Variants in DPP6 observed in about 807,000 individuals in gnomAD.
The protein encoded by DPP6 is A-type potassium channel modulatory protein DPP6.
Under a neutral mutation model 122.6 loss-of-function variants are expected in DPP6, and 69 were observed. That is an observed-to-expected ratio of 0.56 (90% CI 0.46 to 0.69). DPP6 has a LOEUF of 0.69. Among genes scored for constraint, DPP6 ranks in the 30% least tolerant of loss-of-function variants. The probability of loss-of-function intolerance (pLI) is 0.00; values close to 1 mark genes in which losing one functional copy is unlikely to be tolerated. For synonymous variants in DPP6, 418 were observed against 433.1 expected (o/e 0.97, Z 0.43); for missense variants, 928 against 1,116.9 (o/e 0.83, Z 2.41).
intron 4 of DPP6, among the ~76,000 whole-genome samples, chr7:154,552,300 G>A (rs1357846997): frequency 1.3e-5 from 2 of 152,108 alleles, no homozygotes; most frequent in African/African-American, 4.8e-5. Context: ...CAAACCTCCA[G>A]GGAAAAATTC....
At chr7:153,962,714 T>A (rs1207573167) in intron 1 of DPP6, among the ~76,000 whole-genome samples, 3 of 152,204 alleles carry the variant, frequency 2.0e-5, no homozygotes, top group African/African-American at 7.2e-5. Context: ...GTGTTTCATG[T>A]CTTGGTTACT....
intron 5 of DPP6, among the ~76,000 whole-genome samples, chr7:154,623,821 T>C (rs937420261): frequency 6.6e-6 from 1 of 152,258 alleles, no homozygotes; most frequent in African/African-American, 2.4e-5. Context: ...ATTTAATTGA[T>C]ATAAATACAC....
rs573307063 is a variant in DPP6 at position 154,461,786 on chromosome 7, G to T, written c.359-13153G>T. ...TTGTTAATCCCTTGTCAGATGGATA[G>T]TTTGCAAATATTTACTCCATTCTGT... On this transcript the variant is annotated intron_variant, in intron 2 of 25. Transcript: ENST00000377770. Among the ~76,000 whole-genome samples the T allele has an allele frequency of 5.4e-4, 82 of 152,302 alleles. No individual in the cohort carries two copies. In the South Asian group the frequency reaches 7.1e-3, roughly 13 times the overall value.
the DPP6 span, among the ~76,000 whole-genome samples, chr7:153,860,552 G>T: frequency 1.3e-5 from 2 of 151,926 alleles, no homozygotes; most frequent in African/African-American, 2.4e-5. Flanking sequence ...CTCTCCTTCT[G>T]CATCTTCCTC....
At chr7:154,357,581 C>G (rs1361070527) in intron 1 of DPP6, among the ~76,000 whole-genome samples, 1 of 152,120 alleles carries the variant, frequency 6.6e-6, no homozygotes, top group Non-Finnish European at 1.5e-5. Context: ...TTTTCATTAC[C>G]TGATTTGAAA....
intron 1 of DPP6, among the ~76,000 whole-genome samples, chr7:153,903,992 A>G (rs755352764): frequency 1.3e-4 from 20 of 152,180 alleles, no homozygotes; most frequent in Non-Finnish European, 2.4e-4. Context: ...CTGTTGCCTA[A>G]GCAAAGGAGC....
chr7:153,850,250 G>T, the DPP6 span, among the ~76,000 whole-genome samples: 1 of 152,244 alleles, frequency 6.6e-6, no homozygotes, highest in Non-Finnish European at 1.5e-5. Context: ...TGGCTGGGGA[G>T]AGATCTGCTT....
rs576956787 is a variant in DPP6, at chr7:154,241,847, G to C, written c.243+188784G>C. Among the ~76,000 whole-genome samples, 2 of 152,238 alleles carry C rather than the reference G, an allele frequency of 1.3e-5. No individual in the cohort carries two copies. Among genetic ancestry groups the C allele is most frequent in the South Asian group, 2.1e-4 (1 of 4,822 alleles). ...TTCCATTTCTCTAAAACATAGCCCT[G>C]TGTCATCTCTGCTTTTCCACCCACC... On this transcript the variant is annotated intron_variant, in intron 1 of 25. Coordinates refer to ENST00000377770, the MANE Select transcript of DPP6 (RefSeq NM_130797.4). This position sits in a 1 kb window ranked among gnomAD's most constrained non-coding sequence, Gnocchi z 9.0.
At chr7:154,525,395 C>T (rs1478067885) in intron 3 of DPP6, among the ~76,000 whole-genome samples, 1 of 152,192 alleles carries the variant, frequency 6.6e-6, no homozygotes, top group Non-Finnish European at 1.5e-5. Flanking sequence ...TGGGCTCAAG[C>T]TATTCTCCTA....
rs35188883 is a variant in DPP6 at position 154,813,877 on chromosome 7, C to CTTTTTTT, written c.1666+6779_1666+6785dup. Among the ~76,000 whole-genome samples, 130 of 94,244 alleles carry CTTTTTTT rather than the reference C, an allele frequency of 1.4e-3. 2 individuals carry two copies. The highest frequency in any genetic ancestry group is 1.8e-3 in the Admixed American group (12 of 6,686). The allele number at this position is 94,244 out of a possible 152,430, so 61.8% of individuals were successfully genotyped here. A position where few individuals can be genotyped will look rare whatever the true frequency, so the allele number is the denominator to read the frequency against. ...TCTTTACAATTTGAAAAGCACATTT[C>CTTTTTTT]TTTTTTTTTTTTTTTTTTTTGAGAT... On this transcript the variant is annotated intron_variant, in intron 16 of 25. Transcript: ENST00000377770.
At chr7:154,526,595 G>A (rs1267176809) in intron 3 of DPP6, among the ~76,000 whole-genome samples, 1 of 152,144 alleles carries the variant, frequency 6.6e-6, no homozygotes, top group Non-Finnish European at 1.5e-5. Context: ...GGAAACATGT[G>A]GCTAGAGGCT....
At chr7:153,926,352 C>T (rs189706523) in intron 1 of DPP6, among the ~76,000 whole-genome samples, 14 of 152,192 alleles carry the variant, frequency 9.2e-5, no homozygotes, top group Admixed American at 9.1e-4. Flanking sequence ...AAGGAGAAAA[C>T]AATTTTGAAG....
intron 5 of DPP6, among the ~76,000 whole-genome samples, chr7:154,635,803 G>A (rs1277671803): frequency 1.3e-5 from 2 of 152,140 alleles, no homozygotes; most frequent in Non-Finnish European, 2.9e-5. Flanking sequence ...TAACGGGTAT[G>A]AGCCTCAGAC....
At chr7:153,928,917 G>A (rs774728272) in intron 1 of DPP6, among the ~76,000 whole-genome samples, 45 of 152,114 alleles carry the variant, frequency 3.0e-4, no homozygotes, top group Non-Finnish European at 5.9e-4. Flanking sequence ...ACCCTGGACG[G>A]GAAGTCTCCC....
chr7:154,338,165 C>T (rs995572327), intron 1 of DPP6, among the ~76,000 whole-genome samples: 1 of 152,026 alleles, frequency 6.6e-6, no homozygotes, highest in Admixed American at 6.6e-5. Context: ...TAAATTTCTT[C>T]GAAGGGCTCC....
intron 1 of DPP6, among the ~76,000 whole-genome samples, chr7:154,197,142 C>T (rs1027934923): frequency 2.0e-5 from 3 of 151,852 alleles, no homozygotes; most frequent in Admixed American, 6.6e-5. Flanking sequence ...TTCTGCCACC[C>T]ACGGCACAGC....
chr7:154,643,467 CTTT>C (rs61520162), intron 6 of DPP6, among the ~76,000 whole-genome samples: 113 of 117,524 alleles, frequency 9.6e-4, no homozygotes, highest in Admixed American at 3.7e-3. Flanking sequence ...TGAGTAATTT[CTTT>C]TTTTTTTTTT....
intron 8 of DPP6, among the ~76,000 whole-genome samples, chr7:154,746,657 A>G (rs1379451275): frequency 6.6e-6 from 1 of 152,214 alleles, no homozygotes; most frequent in Non-Finnish European, 1.5e-5. Flanking sequence ...GATCACAGCA[A>G]TGGTTCACTC....
intron 25 of DPP6, 69 bp downstream of exon 25, chr7:154,889,599 G>A (rs562327323): frequency 3.4e-5 from 52 of 1,551,022 alleles, no homozygotes; most frequent in South Asian, 3.3e-4. Context: ...AAGACCTGAC[G>A]GGTGTTCAGG....
Sources: gnomAD v4.1 joint callset for allele counts (sites outside exome capture counted in the v4.1 genomes callset) on GRCh38, gnomAD v4.1.1 for gene constraint, Gnocchi (gnomAD v3.1) non-coding constraint, MANE v1.5 for transcripts, NCBI Gene and HGNC (gene_info 2026-07-23, HGNC 2026-07-21) for gene names.